The following PRPF40B variants were observed in gnomAD, a reference collection of about 807,000 sequenced individuals.
PRPF40B encodes pre-mRNA-processing factor 40 homolog B.
PRPF40B carries 56 observed loss-of-function variants against 124.5 expected under a neutral mutation model. The observed-to-expected ratio is 0.45, with a 90% CI of 0.36 to 0.56. The LOEUF is 0.56. Among genes scored for constraint, PRPF40B ranks in the 20% least tolerant of loss-of-function variants. The pLI is 0.00. For synonymous variants in PRPF40B, 443 were observed against 426.4 expected (o/e 1.04, Z -0.48); for missense variants, 1,053 against 1,169.5 (o/e 0.90, Z 1.45).
intron 1 of PRPF40B, among the ~76,000 whole-genome samples, chr12:49,630,103 G>A (rs1007758320): frequency 5.9e-5 from 9 of 152,184 alleles, no homozygotes; most frequent in Non-Finnish European, 1.3e-4. Flanking sequence ...CTCTGTAACT[G>A]GGATAATTAG....
Position 49,642,487 on chromosome 12 carries a change from T to C in PRPF40B, c.2023-93T>C. The C allele has an allele frequency of 5.1e-6, 8 of 1,579,852 alleles. No homozygotes were observed. Among genetic ancestry groups the C allele is most frequent in the Non-Finnish European group, 6.1e-6 (7 of 1,151,548 alleles). ...CCTGGGCCAGCTCCAGTTCCCTTCC[T>C]TTCTCTGCCCCAGCCCTGCCCTGTG... On this transcript the variant is annotated intron_variant, in intron 20 of 25. Coordinates refer to ENST00000548825, the MANE Select transcript of PRPF40B (RefSeq NM_001031698.3). The surrounding 1 kb of genome is among the most constrained non-coding windows in gnomAD (Gnocchi z 5.8).
At chr12:49,623,813 G>A in intron 1 of PRPF40B, 16 of 1,193,846 alleles carry the variant, frequency 1.3e-5, no homozygotes, top group Non-Finnish European at 1.3e-5. Context: ...CTGGCCGGGG[G>A]CGAAAGGTGC....
chr12:49,632,996 G>GGGGGGGGCCC lies in PRPF40B; in HGVS notation c.349-18_349-17insGGGGGGGCCC. ...AAAGGGGCCTTGACCACCATTCTGTGCCCCCCCCCCCACCCAGAGGGCCCT... is the reference window on the plus strand; with the variant it reads ...AAAGGGGCCTTGACCACCATTCTGTGGGGGGGGCCCCCCCCCCCCCCACCCAGAGGGCCCT... On this transcript the variant is annotated splice_polypyrimidine_tract_variant and intron_variant, in intron 6 of 25. Transcript: ENST00000548825. 10 of 1,147,364 alleles carry GGGGGGGGCCC rather than the reference G, an allele frequency of 8.7e-6. No homozygotes were observed. The highest frequency in any genetic ancestry group is 1.2e-5 in the Non-Finnish European group (10 of 822,984). 71.1% of individuals were successfully genotyped at this position (1,147,364 alleles called of 1,614,324 possible). A position where few individuals can be genotyped will look rare whatever the true frequency, so the allele number is the denominator to read the frequency against.
At position 49,644,475 on chromosome 12, in the gene PRPF40B, G is replaced by A. The variant is rs1396780253; in HGVS notation, c.*283G>A. On this transcript the variant is annotated 3_prime_UTR_variant, in exon 26 of 26. Coordinates refer to ENST00000548825, the MANE Select transcript of PRPF40B (RefSeq NM_001031698.3). ...GCCAGTAGATAAAAGTGTGAGAGAA[G>A]GGGTCTCCAGGGAAGAGTCACAGGC... 1 of 432,312 alleles carries A rather than the reference G, an allele frequency of 2.3e-6. No individual in the cohort carries two copies. The highest frequency in any genetic ancestry group is 4.4e-6 in the Non-Finnish European group (1 of 229,646). 26.8% of individuals were successfully genotyped at this position (432,312 alleles called of 1,614,324 possible).
Position 49,644,096 on chromosome 12 carries a change from A to G in PRPF40B, c.2587-4A>G, listed in dbSNP as rs376317940. Reference sequence around the variant, plus strand: ...AAGGGTGAACTGTGCCTTTGCTCCAACAGACAGGCTGGGACACGTCAGAAA... The same window carrying G: ...AAGGGTGAACTGTGCCTTTGCTCCAGCAGACAGGCTGGGACACGTCAGAAA... On this transcript the variant is annotated splice_region_variant and splice_polypyrimidine_tract_variant and intron_variant, in intron 25 of 25. Coordinates refer to ENST00000548825, the MANE Select transcript of PRPF40B (RefSeq NM_001031698.3). 3.0e-5 allele frequency: 48 copies of G among 1,614,058 alleles called. No homozygotes were observed. The highest frequency in any genetic ancestry group is 3.1e-5 in the Non-Finnish European group (37 of 1,180,038).
intron 23 of PRPF40B, 34 bp downstream of exon 23, chr12:49,643,431 A>T: frequency 6.5e-7 from 1 of 1,529,372 alleles, no homozygotes; most frequent in Non-Finnish European, 8.8e-7. Flanking sequence ...AAGCTGGAGA[A>T]CTGTTGTCCC....
chr12:49,630,423 G>A (rs1326076574), intron 1 of PRPF40B, 122 bp from the exon 2 acceptor site: 6 of 696,718 alleles, frequency 8.6e-6, no homozygotes, highest in East Asian at 5.5e-5. Flanking sequence ...GCAGGAAATC[G>A]GGCTTGAAGA....
upstream of PRPF40B, among the ~76,000 whole-genome samples, chr12:49,623,022 G>A (rs1156517071): frequency 6.6e-6 from 1 of 151,404 alleles, no homozygotes. Context: ...GCACGTGTAC[G>A]CCCCACAAGG....
chr12:49,632,995 T>TGGGGGGGGGGCGG lies in PRPF40B; in HGVS notation c.349-18_349-17insGGGGGGGGGCGGG. On this transcript the variant is annotated intron_variant, in intron 6 of 25. Coordinates refer to ENST00000548825, the MANE Select transcript of PRPF40B (RefSeq NM_001031698.3). ...AAAAGGGGCCTTGACCACCATTCTG[T>TGGGGGGGGGGCGG]GCCCCCCCCCCCACCCAGAGGGCCC... The TGGGGGGGGGGCGG allele has an allele frequency of 7.3e-7, 1 of 1,365,456 alleles. No homozygotes were observed. The highest frequency in any genetic ancestry group is 1.0e-6 in the Non-Finnish European group (1 of 979,274). 84.6% of individuals were successfully genotyped at this position (1,365,456 alleles called of 1,614,324 possible).
chr12:49,637,886 G>A, intron 18 of PRPF40B, 62 bp downstream of exon 18: 1 of 1,383,918 alleles, frequency 7.2e-7, no homozygotes, highest in South Asian at 1.2e-5. Flanking sequence ...CCCTGCAGAG[G>A]ACTCCCTGAT....
rs762344065 is a variant in PRPF40B at position 49,631,384 on chromosome 12, C to T, written c.85-17C>T. The T allele has an allele frequency of 1.3e-6, 2 of 1,510,654 alleles. No homozygotes were observed. Among genetic ancestry groups the T allele is most frequent in the Non-Finnish European group, 1.8e-6 (2 of 1,131,846 alleles). The allele number at this position is 1,510,654 out of a possible 1,614,324, so 93.6% of individuals were successfully genotyped here. A position where few individuals can be genotyped will look rare whatever the true frequency, so the allele number is the denominator to read the frequency against. On this transcript the variant is annotated splice_polypyrimidine_tract_variant and intron_variant, in intron 2 of 25. Transcript: ENST00000548825. The surrounding 1 kb of genome is among the most constrained non-coding windows in gnomAD (Gnocchi z 4.3). ...ATGTCTTCCCTGCTCAGTATCTCTT[C>T]CTTTACTCATTTCCAGATGCCCCCT...
Position 49,643,233 on chromosome 12 carries a change from C to T in PRPF40B, c.2216C>T (p.Ser739Leu). 6.2e-7 allele frequency: 1 copy of T among 1,614,096 alleles called. No homozygotes were observed. Among genetic ancestry groups the T allele is most frequent in the Non-Finnish European group, 8.5e-7 (1 of 1,180,036 alleles). Residue 739 changes from serine (S) to leucine (L), a missense_variant, in exon 23 of 26, where the codon TCA becomes TTA. By Grantham distance (145) the Ser-to-Leu change is moderately radical (BLOSUM62 -2). Around this residue, in one of 2 missense-constraint regions of PRPF40B, gnomAD observed 895 missense variants for 1,052.2 expected, o/e 0.85. Coordinates refer to ENST00000548825, the MANE Select transcript of PRPF40B (RefSeq NM_001031698.3). ...KRSHSPSGSE[S>L]EEEELPPPSL... ...TGCTGATCTGCCCAGGGCTCTGAGT[C>T]AGAAGAAGAGGAGCTGCCCCCACCA... is the stretch of plus-strand genomic sequence containing the variant.
intron 10 of PRPF40B, 107 bp downstream of exon 10, chr12:49,634,199 G>GA: frequency 1.9e-6 from 3 of 1,577,220 alleles, no homozygotes; most frequent in South Asian, 2.4e-5. Context: ...TTGAAGATCT[G>GA]GGTGTGACCT....
intron 1 of PRPF40B, chr12:49,623,962 C>A: frequency 1.8e-6 from 2 of 1,084,344 alleles, no homozygotes; most frequent in Non-Finnish European, 2.2e-6. Flanking sequence ...GTTTCCCCTC[C>A]TGGGATATTT....
At chr12:49,633,826 C>G (rs888107584) in intron 9 of PRPF40B, 60 bp from the exon 10 acceptor site, 1 of 1,608,936 alleles carries the variant, frequency 6.2e-7, no homozygotes, top group East Asian at 2.2e-5. Context: ...AACCAGCCAG[C>G]CCCTGAAGTC....
chr12:49,632,995 T>TGGGGGGGGGGGGGGC lies in PRPF40B; in HGVS notation c.349-18_349-17insGGGGGGGGGGGGGCG. On this transcript the variant is annotated intron_variant, in intron 6 of 25. Transcript: ENST00000548825. ...AAAAGGGGCCTTGACCACCATTCTGTGCCCCCCCCCCCACCCAGAGGGCCC... is the reference window on the plus strand; with the variant it reads ...AAAAGGGGCCTTGACCACCATTCTGTGGGGGGGGGGGGGGCGCCCCCCCCCCCACCCAGAGGGCCC... The TGGGGGGGGGGGGGGC allele has an allele frequency of 7.3e-7, 1 of 1,365,460 alleles. No homozygotes were observed. Among genetic ancestry groups the TGGGGGGGGGGGGGGC allele is most frequent in the Non-Finnish European group, 1.0e-6 (1 of 979,278 alleles). 84.6% of individuals were successfully genotyped at this position (1,365,460 alleles called of 1,614,324 possible).
At chr12:49,641,785 C>T (rs1433083039) in intron 18 of PRPF40B, 123 bp from the exon 19 acceptor site, 6 of 750,828 alleles carry the variant, frequency 8.0e-6, no homozygotes, top group Non-Finnish European at 1.1e-5. Context: ...ATGCAGACCA[C>T]AGTCCTGTGG....
At chr12:49,623,263 C>T (rs1940359128), upstream of PRPF40B, among the ~76,000 whole-genome samples, 1 of 151,848 alleles carries the variant, frequency 6.6e-6, no homozygotes, top group South Asian at 2.1e-4. Context: ...GACTGCGAAG[C>T]CAGGACGCAG....
rs1282700488 is a variant in PRPF40B, at chr12:49,641,949, C to T, written c.1809C>T (p.Asp603=). The T allele has an allele frequency of 1.9e-6, 3 of 1,613,908 alleles. No individual in the cohort carries two copies. The highest frequency in any genetic ancestry group is 4.5e-5 in the East Asian group (2 of 44,886). Residue 603 remains aspartate (D), a synonymous_variant, in exon 19 of 26, where the codon GAC becomes GAT. Coordinates refer to ENST00000548825, the MANE Select transcript of PRPF40B (RefSeq NM_001031698.3). ...TGGAGGTGAACACGGCCTTTGAGGA[C>T]TTCGCCCACGTCATAAGCTTTGACA... ...FCVEVNTAFE[D]FAHVISFDKR... is the part of the protein sequence containing the mutation.
Sources: allele counts gnomAD v4.1 joint callset (sites outside exome capture counted in the v4.1 genomes callset), GRCh38; gene constraint gnomAD v4.1.1; regional missense constraint gnomAD v4.1.1; non-coding constraint Gnocchi (gnomAD v3.1); transcripts MANE v1.5; gene names NCBI Gene and HGNC (gene_info 2026-07-23, HGNC 2026-07-21).